Variants in FLVCR2 observed in about 807,000 individuals in gnomAD.
The protein encoded by FLVCR2 is choline/ethanolamine transporter FLVCR2.
In FLVCR2, 38 loss-of-function variants were observed where a neutral mutation model predicts 48.9. The ratio of observed to expected loss-of-function variants is 0.78; its 90% confidence interval spans 0.60 to 1.02. FLVCR2 has a LOEUF of 1.02. Ranked by LOEUF, FLVCR2 falls within the 50% of genes least tolerant of loss-of-function variation. FLVCR2 has a pLI of 0.00. For synonymous variants in FLVCR2, 255 were observed against 257.0 expected, an observed-to-expected ratio of 0.99 and a Z score of 0.07; for missense variants, 664 against 663.3, an observed-to-expected ratio of 1.00 and a Z score of -0.01.
chr14:75,637,107 G>A (rs925290509), intron 5 of FLVCR2, among the ~76,000 whole-genome samples: 3 of 152,204 alleles, frequency 2.0e-5, no homozygotes, highest in Admixed American at 1.3e-4. Context: ...ATAGTGCATC[G>A]TTATTCCCGC....
intron 1 of FLVCR2, among the ~76,000 whole-genome samples, chr14:75,592,244 A>C (rs1000120031): frequency 6.6e-6 from 1 of 152,030 alleles, no homozygotes; most frequent in East Asian, 1.9e-4. Flanking sequence ...GATGCCACCA[A>C]GACCCACAGC....
At chr14:75,624,842 C>T (rs1185002821) in intron 3 of FLVCR2, 90 bp downstream of exon 3, 2 of 1,489,366 alleles carry the variant, frequency 1.3e-6, no homozygotes, top group Non-Finnish European at 9.3e-7. Flanking sequence ...CTTTCTAAAT[C>T]CCAAATGTGC....
intron 1 of FLVCR2, among the ~76,000 whole-genome samples, chr14:75,600,561 A>G (rs933988583): frequency 6.6e-6 from 1 of 152,204 alleles, no homozygotes; most frequent in African/African-American, 2.4e-5. Flanking sequence ...TCGTTATACT[A>G]TATTCAAAAA....
At position 75,646,726 on chromosome 14, in the gene FLVCR2, T is replaced by C. The variant is rs115212564; in HGVS notation, c.*254T>C. The C allele has an allele frequency of 1.7e-3, 870 of 508,488 alleles. 5 individuals carry two copies. The highest frequency in any genetic ancestry group is 0.015 in the African/African-American group (759 of 52,032). 31.5% of individuals were successfully genotyped at this position (508,488 alleles called of 1,614,324 possible). On this transcript the variant is annotated 3_prime_UTR_variant, in exon 10 of 10. Coordinates refer to ENST00000238667, the MANE Select transcript of FLVCR2 (RefSeq NM_017791.3). ...CCCTTTTAGGTTATGGGAGTTGGTG[T>C]TGGGACAGGGTGGCAGAGAATATTG...
intron 5 of FLVCR2, among the ~76,000 whole-genome samples, chr14:75,635,886 G>T (rs529022980): frequency 5.3e-5 from 8 of 152,088 alleles, no homozygotes; most frequent in Admixed American, 5.2e-4. Flanking sequence ...TGTGCACATG[G>T]GTTAAAAAAA....
chr14:75,641,437 G>A, intron 8 of FLVCR2, 144 bp downstream of exon 8: 2 of 707,300 alleles, frequency 2.8e-6, no homozygotes, highest in Non-Finnish European at 5.1e-6. Flanking sequence ...GCAGCACATT[G>A]TTTTGGTAGA....
chr14:75,639,454 C>A lies in FLVCR2; in HGVS notation c.1227C>A (p.Gly409=). The A allele has an allele frequency of 6.2e-7, 1 of 1,606,578 alleles. No homozygotes were observed. Among genetic ancestry groups the A allele is most frequent in the Non-Finnish European group, 8.5e-7 (1 of 1,173,150 alleles). The change falls in exon 6 of 10, where the codon GGC becomes GGA. Residue 409 remains glycine, a synonymous_variant. Transcript: ENST00000238667. ...TGTGGGTAGTGTTCATCACTGCTGG[C>A]ACAATGGGGTAAGTTTCACCTCTGG... ...GHLWVVFITA[G]TMGFFMTGYL...
At chr14:75,630,191 G>T (rs1027535934) in intron 3 of FLVCR2, among the ~76,000 whole-genome samples, 7 of 152,146 alleles carry the variant, frequency 4.6e-5, no homozygotes, top group African/African-American at 1.7e-4. Flanking sequence ...AGTTTGGGTT[G>T]GGGCCTAGGA....
At chr14:75,633,510 T>C (rs1434640861) in intron 3 of FLVCR2, 119 bp from the exon 4 acceptor site, 5 of 817,142 alleles carry the variant, frequency 6.1e-6, no homozygotes, top group Non-Finnish European at 1.1e-5. Context: ...CTGAGGATAC[T>C]GCTCAGAGTG....
intron 1 of FLVCR2, among the ~76,000 whole-genome samples, chr14:75,591,642 G>A (rs886837526): frequency 6.6e-5 from 10 of 152,128 alleles, no homozygotes; most frequent in East Asian, 1.9e-4. Context: ...CCCTACTCTT[G>A]TGGCTCCACT....
At chr14:75,632,771 T>C (rs1014095953) in intron 3 of FLVCR2, 6 of 702,198 alleles carry the variant, frequency 8.5e-6, no homozygotes, top group African/African-American at 7.0e-5. Context: ...GTGGGCATTA[T>C]GGAGTGGCAG....
At chr14:75,639,602 T>C (rs1426483904) in intron 6 of FLVCR2, 140 bp downstream of exon 6, 1 of 720,586 alleles carries the variant, frequency 1.4e-6, no homozygotes, top group Non-Finnish European at 2.5e-6. Context: ...CCCAGGGGTC[T>C]CGGTAATACT....
At chr14:75,582,492 A>C (rs750639806) in intron 1 of FLVCR2, among the ~76,000 whole-genome samples, 1 of 152,190 alleles carries the variant, frequency 6.6e-6, no homozygotes, top group Non-Finnish European at 1.5e-5. Flanking sequence ...AGTTGAGCAT[A>C]GTTTGTGATT....
rs1888525051 is a variant in FLVCR2, at chr14:75,579,041, G to A, written c.69G>A (p.Ala23=). 3.1e-6 allele frequency: 5 copies of A among 1,613,916 alleles called. No individual in the cohort carries two copies. The highest frequency in any genetic ancestry group is 4.5e-5 in the East Asian group (2 of 44,872). ...CTGTGCCGGAGTCCGCACTCCAAGC[G>A]GACCCCAGCGTCTCGGTCCATCCCA... ...DTPVPESALQ[A]DPSVSVHPSV... Residue 23 remains alanine (A), a synonymous_variant, in exon 1 of 10, where the codon GCG becomes GCA. Transcript: ENST00000238667.
At chr14:75,624,915 T>G (rs938633265) in intron 3 of FLVCR2, among the ~76,000 whole-genome samples, 163 bp downstream of exon 3, 3 of 152,152 alleles carry the variant, frequency 2.0e-5, no homozygotes, top group African/African-American at 7.2e-5. Context: ...CCTTTGCATG[T>G]GTTGTAAAGT....
At chr14:75,640,612 T>G (rs1265805130) in intron 6 of FLVCR2, 1 of 368,844 alleles carries the variant, frequency 2.7e-6, no homozygotes, top group African/African-American at 2.1e-5. Context: ...ACAGGGCCTG[T>G]GTACCCAGGA....
intron 1 of FLVCR2, among the ~76,000 whole-genome samples, chr14:75,599,453 A>T (rs1452883077): frequency 1.3e-5 from 2 of 152,252 alleles, no homozygotes; most frequent in South Asian, 2.1e-4. Flanking sequence ...GAAAGAAATT[A>T]AATAAGGTGT....
chr14:75,581,918 A>G (rs12882181), intron 1 of FLVCR2, among the ~76,000 whole-genome samples: 9 of 152,226 alleles, frequency 5.9e-5, no homozygotes, highest in Non-Finnish European at 8.8e-5. Flanking sequence ...TTATGAAATG[A>G]CAACAGAATA....
intron 3 of FLVCR2, chr14:75,631,764 C>A (rs1167581050): frequency 8.8e-6 from 4 of 455,958 alleles, no homozygotes; most frequent in Non-Finnish European, 1.8e-5. Context: ...CCTCACTTGG[C>A]TTTTCAGGAA....
Sources: gnomAD v4.1 joint callset for allele counts (sites outside exome capture counted in the v4.1 genomes callset) on GRCh38, gnomAD v4.1.1 for gene constraint, MANE v1.5 for transcripts, NCBI Gene and HGNC (gene_info 2026-07-23, HGNC 2026-07-21) for gene names.